The following PCDHA7 variants were observed in gnomAD, a reference collection of about 807,000 sequenced individuals.
PCDHA7 encodes protocadherin alpha 7.
Under a neutral mutation model 57.2 loss-of-function variants are expected in PCDHA7, and 37 were observed. The ratio of observed to expected loss-of-function variants is 0.65; its 90% CI spans 0.50 to 0.85. The LOEUF is 0.85. Among genes scored for constraint, PCDHA7 ranks in the 40% least tolerant of loss-of-function variants. The pLI is 0.00. For synonymous variants in PCDHA7, 553 were observed against 558.8 expected (o/e 0.99, Z 0.15); for missense variants, 1,188 against 1,241.8 (o/e 0.96, Z 0.65).
At chr5:140,994,178 A>G (rs2097601690) in intron 3 of PCDHA7, among the ~76,000 whole-genome samples, 1 of 152,226 alleles carries the variant, frequency 6.6e-6, no homozygotes, top group Admixed American at 6.5e-5. Context: ...AAGCTGGGAC[A>G]AACCACCAGG....
At position 140,857,221 on chromosome 5, in the gene PCDHA7, C is replaced by G. The variant is rs146953582; in HGVS notation, c.2355+20483C>G. On this transcript the variant is annotated intron_variant, in intron 1 of 3. Transcript: ENST00000525929. ...AGGTCACCTGCTCTCTGACGCCTCA[C>G]GTTCCGTTCAAGCTGGTGTCCACCT... is the stretch of plus-strand genomic sequence containing the variant. 4.4e-4 allele frequency: 711 copies of G among 1,598,474 alleles called. 36 individuals carry two copies. In the African/African-American group the frequency reaches 9.1e-3, roughly 20 times the overall value.
rs2150503852 is a variant in PCDHA7 at position 140,850,955 on chromosome 5, C to T, written c.2355+14217C>T. The T allele has an allele frequency of 1.6e-5, 23 of 1,482,450 alleles. 2 individuals are homozygous for T. In the Admixed American group the frequency reaches 2.7e-4, roughly 17 times the overall value. 91.8% of individuals were successfully genotyped at this position (1,482,450 alleles called of 1,614,324 possible). A position where few individuals can be genotyped will look rare whatever the true frequency, so the allele number is the denominator to read the frequency against. On this transcript the variant is annotated intron_variant, in intron 1 of 3. Transcript: ENST00000525929. Reference sequence around the variant, plus strand: ...TTCTTGAAAGATATTATCGATTACTCCCAGGGGCCGTTCAAATAGTTTTAT... The same window carrying T: ...TTCTTGAAAGATATTATCGATTACTTCCAGGGGCCGTTCAAATAGTTTTAT...
At position 140,845,310 on chromosome 5, in the gene PCDHA7, CAG is replaced by C. The variant is rs2150378304; in HGVS notation, c.2355+8573_2355+8574del. On this transcript the variant is annotated intron_variant, in intron 1 of 3. Transcript: ENST00000525929. ...ATCCTGTCTATGTCTACCTGGTTCT[CAG>C]GTATTACTTTAATTACTGAATTCTC... Among the ~76,000 whole-genome samples the C allele has an allele frequency of 4.5e-4, 68 of 149,506 alleles. 3 individuals carry two copies. The highest frequency in any genetic ancestry group is 6.9e-3 in the Middle Eastern group (2 of 290).
intron 1 of PCDHA7, among the ~76,000 whole-genome samples, chr5:140,838,075 ATAGTGTGTGTGT>A (rs1392208969): frequency 0.058 from 7,390 of 128,196 alleles, 326 homozygotes; most frequent in Middle Eastern, 0.092. Flanking sequence ...TTATATATAT[ATAGTGTGTGTGT>A]GTGTGTGTGT....
intron 1 of PCDHA7, among the ~76,000 whole-genome samples, chr5:140,961,983 A>C (rs941028423): frequency 1.3e-5 from 2 of 151,532 alleles, no homozygotes; most frequent in Non-Finnish European, 2.9e-5. Context: ...TCCTGGGTTC[A>C]CGCCATTGTC....
chr5:140,856,036 A>G (rs1554148102), intron 1 of PCDHA7: 5 of 1,567,408 alleles, frequency 3.2e-6, no homozygotes, highest in Non-Finnish European at 4.3e-6. Flanking sequence ...TTGTAAAACA[A>G]GAGAAGGATA....
chr5:140,992,681 G>A (rs575311513), intron 3 of PCDHA7, among the ~76,000 whole-genome samples: 2 of 152,286 alleles, frequency 1.3e-5, no homozygotes, highest in South Asian at 4.2e-4. Flanking sequence ...TGTGTGTTAG[G>A]GGTTGAGGGG....
intron 1 of PCDHA7, among the ~76,000 whole-genome samples, chr5:140,911,647 G>A (rs1554194849): frequency 2.0e-5 from 3 of 152,160 alleles, no homozygotes; most frequent in African/African-American, 7.2e-5. Flanking sequence ...ATTACATATA[G>A]AGTTACTAAA....
At chr5:140,941,760 T>A (rs1343959883) in intron 1 of PCDHA7, among the ~76,000 whole-genome samples, 2 of 152,234 alleles carry the variant, frequency 1.3e-5, no homozygotes, top group Non-Finnish European at 1.5e-5. Flanking sequence ...TCAGTGCTTT[T>A]AAGATAATTG....
intron 1 of PCDHA7, chr5:140,929,052 C>G (rs1379551578): frequency 6.2e-7 from 1 of 1,614,058 alleles, no homozygotes; most frequent in African/African-American, 1.3e-5. Context: ...GCTGCTGTCG[C>G]TCTACAGAGG....
At chr5:140,968,540 G>A (rs1554230842) in intron 1 of PCDHA7, 8 of 1,614,064 alleles carry the variant, frequency 5.0e-6, no homozygotes, top group Non-Finnish European at 1.7e-6. Context: ...AGCAGCCTTC[G>A]AGATGGTGCC....
At chr5:140,841,894 G>C in intron 1 of PCDHA7, 1 of 1,613,814 alleles carries the variant, frequency 6.2e-7, no homozygotes. Flanking sequence ...AGAATAAACT[G>C]GTTGAGCTCG....
intron 1 of PCDHA7, chr5:140,883,440 C>T (rs781949896): frequency 1.9e-6 from 3 of 1,614,152 alleles, no homozygotes; most frequent in Non-Finnish European, 2.5e-6. Flanking sequence ...ACCTTGACGC[C>T]GCATGTCCCC....
chr5:140,871,393 C>T (rs782354799), intron 1 of PCDHA7: 1 of 1,614,130 alleles, frequency 6.2e-7, no homozygotes, highest in Non-Finnish European at 8.5e-7. Context: ...GGAGGGCCCA[C>T]CTAAGACGGA....
intron 1 of PCDHA7, chr5:140,881,501 C>A (rs782000314): frequency 3.3e-4 from 82 of 248,870 alleles, no homozygotes; most frequent in Non-Finnish European, 4.9e-4. Context: ...CACATACACA[C>A]ACTCACATAC....
intron 1 of PCDHA7, among the ~76,000 whole-genome samples, chr5:140,838,365 C>T (rs1775701079): frequency 6.7e-6 from 1 of 149,948 alleles, no homozygotes; most frequent in African/African-American, 2.5e-5. Context: ...CTCAAGTGAT[C>T]TGACTGCCTC....
intron 1 of PCDHA7, chr5:140,848,356 A>C: frequency 9.6e-7 from 1 of 1,038,310 alleles, no homozygotes; most frequent in Non-Finnish European, 1.4e-6. Flanking sequence ...CCCTTTTCCC[A>C]TGGGAAAGAG....
intron 1 of PCDHA7, chr5:140,927,106 A>G: frequency 6.2e-7 from 1 of 1,613,678 alleles, no homozygotes; most frequent in Non-Finnish European, 8.5e-7. Context: ...GGATCTACCC[A>G]GCGGCAATTT....
intron 1 of PCDHA7, among the ~76,000 whole-genome samples, chr5:140,941,241 TTCTTTCTTTCTTTC>T (rs1247398838): frequency 5.8e-4 from 81 of 140,456 alleles, no homozygotes; most frequent in African/African-American, 2.0e-3. Flanking sequence ...CTTTCTTTCT[TTCTTTCTTTCTTTC>T]TCTTTCTTTC....
Sources: allele counts gnomAD v4.1 joint callset (sites outside exome capture counted in the v4.1 genomes callset), GRCh38; gene constraint gnomAD v4.1.1; transcripts MANE v1.5; gene names NCBI Gene and HGNC (gene_info 2026-07-23, HGNC 2026-07-21).